CCDC85A: variants seen among roughly 807,000 people sequenced by gnomAD.
CCDC85A encodes the protein coiled-coil domain containing 85A, also known as coiled-coil domain-containing protein 85A.
Under a neutral mutation model 50.2 loss-of-function variants are expected in CCDC85A, and 38 were observed. That is an observed-to-expected ratio of 0.76 (90% CI 0.58 to 0.99). CCDC85A has a LOEUF of 0.99. Among genes scored for constraint, CCDC85A ranks in the 50% least tolerant of loss-of-function variants. The pLI, the probability that CCDC85A is intolerant of heterozygous loss-of-function variation, is 0.00. For synonymous variants in CCDC85A, 366 were observed against 301.4 expected (o/e 1.21, Z -2.22); for missense variants, 820 against 742.0 (o/e 1.11, Z -1.22).
chr2:56,379,777 C>T lies in CCDC85A; in HGVS notation c.1572+3842C>T, dbSNP rs908606126. On this transcript the variant is annotated intron_variant, in intron 5 of 5. Transcript: ENST00000407595. ...CTTGGATGTTCAGGAAACTATAGAT[C>T]GTCAACAGGGTAAAGAGTATGAACA... 1.6e-5 allele frequency: 16 copies of T among 984,286 alleles called. No individual in the cohort carries two copies. In the Admixed American group the frequency reaches 8.0e-4, roughly 49 times the overall value. 61.0% of individuals were successfully genotyped at this position (984,286 alleles called of 1,614,324 possible).
intron 3 of CCDC85A, among the ~76,000 whole-genome samples, chr2:56,343,383 T>C (rs1249958813): frequency 6.6e-6 from 1 of 152,236 alleles, no homozygotes; most frequent in East Asian, 1.9e-4. Context: ...ATAATTAAAT[T>C]AGTACATTCT....
intron 2 of CCDC85A, among the ~76,000 whole-genome samples, chr2:56,313,488 A>G (rs1406823640): frequency 2.0e-5 from 3 of 152,080 alleles, no homozygotes; most frequent in Non-Finnish European, 4.4e-5. Flanking sequence ...TTTTGATTTT[A>G]GGCCAGTCAA....
rs1227576103 is a variant in CCDC85A, at chr2:56,184,689, C to T, written c.65C>T (p.Pro22Leu). The T allele has an allele frequency of 5.9e-6, 9 of 1,522,438 alleles. No homozygotes were observed. The highest frequency in any genetic ancestry group is 4.1e-5 in the Admixed American group (2 of 49,082). 94.3% of individuals were successfully genotyped at this position (1,522,438 alleles called of 1,614,324 possible). Residue 22 changes from proline (P) to leucine (L), a missense_variant, in exon 1 of 6, where the codon CCG becomes CTG. By Grantham distance (98) the Pro-to-Leu change is moderately conservative. Coordinates refer to ENST00000407595, the MANE Select transcript of CCDC85A (RefSeq NM_001080433.2). ...GCGGCGGAAAGTTGTTCCCCAGCCC[C>T]GGCCGGCTCGTCCGCGGCCCCGCCC... ...AAAAESCSPAPAGSSAAPPAP... is the reference protein window; with the variant it reads ...AAAAESCSPALAGSSAAPPAP...
intron 2 of CCDC85A, among the ~76,000 whole-genome samples, chr2:56,297,741 C>T (rs1347888127): frequency 2.0e-5 from 3 of 152,222 alleles, no homozygotes; most frequent in South Asian, 2.1e-4. Flanking sequence ...CAGAGCTTGC[C>T]GTGTGAGGTG....
At chr2:56,337,177 C>A (rs1263873725) in intron 2 of CCDC85A, among the ~76,000 whole-genome samples, 2 of 152,114 alleles carry the variant, frequency 1.3e-5, no homozygotes, top group Admixed American at 6.5e-5. Flanking sequence ...ATGCATGTTT[C>A]TTAATTTGTT....
intron 5 of CCDC85A, chr2:56,379,750 G>T (rs1033973386): frequency 1.0e-6 from 1 of 976,442 alleles, no homozygotes; most frequent in African/African-American, 1.8e-5. Context: ...ACAAATCCAG[G>T]TCTTGGATGT....
chr2:56,244,357 C>CAT (rs538440102), intron 2 of CCDC85A, among the ~76,000 whole-genome samples: 132 of 152,186 alleles, frequency 8.7e-4, no homozygotes, highest in African/African-American at 3.0e-3. Flanking sequence ...ACTGCAGGCC[C>CAT]GTGGGAAGTA....
rs115728274 is a variant in CCDC85A at position 56,291,428 on chromosome 2, G to A, written c.1241-51451G>A. 2.6e-3 allele frequency among the ~76,000 whole-genome samples: 399 copies of A among 152,340 alleles called. 2 individuals are homozygous for A. Among genetic ancestry groups the A allele is most frequent in the African/African-American group, 9.1e-3 (378 of 41,574 alleles). On this transcript the variant is annotated intron_variant, in intron 2 of 5. Coordinates refer to ENST00000407595, the MANE Select transcript of CCDC85A (RefSeq NM_001080433.2). ...TTAGTGAAAAGAGCTGGTGGTAAGT[G>A]CTGTAAAGTAAGTGACAGTGGCTGC...
intron 2 of CCDC85A, among the ~76,000 whole-genome samples, chr2:56,250,031 G>T (rs1223802464): frequency 6.6e-6 from 1 of 152,202 alleles, no homozygotes; most frequent in Non-Finnish European, 1.5e-5. Flanking sequence ...GCCATGAAGG[G>T]CAGGCAGGGG....
chr2:56,242,144 A>C (rs1213204611), intron 2 of CCDC85A, among the ~76,000 whole-genome samples: 1 of 152,102 alleles, frequency 6.6e-6, no homozygotes, highest in Non-Finnish European at 1.5e-5. Flanking sequence ...TGAAATGTCT[A>C]TTCAGATCTT....
intron 2 of CCDC85A, among the ~76,000 whole-genome samples, chr2:56,311,358 C>G (rs916319952): frequency 1.3e-5 from 2 of 152,208 alleles, no homozygotes; most frequent in East Asian, 3.9e-4. Context: ...CATCAATGCT[C>G]AAACATAGGA....
intron 2 of CCDC85A, among the ~76,000 whole-genome samples, chr2:56,275,022 C>T (rs1289350884): frequency 3.3e-5 from 5 of 152,150 alleles, no homozygotes; most frequent in Non-Finnish European, 7.3e-5. Context: ...GCATCATCCT[C>T]ACGACCTCAT....
chr2:56,378,744 C>G (rs762539935), intron 5 of CCDC85A, among the ~76,000 whole-genome samples: 5 of 152,292 alleles, frequency 3.3e-5, no homozygotes, highest in Non-Finnish European at 5.9e-5. Flanking sequence ...CCACTTCATG[C>G]TTAAGTCATT....
At chr2:56,194,842 G>A (rs935310281) in intron 2 of CCDC85A, among the ~76,000 whole-genome samples, 1 of 152,108 alleles carries the variant, frequency 6.6e-6, no homozygotes, top group Non-Finnish European at 1.5e-5. Context: ...CTCTTCCCAA[G>A]AGCCGTGGAG....
At chr2:56,325,063 A>C (rs990037198) in intron 2 of CCDC85A, among the ~76,000 whole-genome samples, 129 of 152,204 alleles carry the variant, frequency 8.5e-4, no homozygotes, top group African/African-American at 3.0e-3. Context: ...TTAAAGAAGC[A>C]CTCTTGAATT....
intron 2 of CCDC85A, among the ~76,000 whole-genome samples, chr2:56,220,737 C>T (rs1046877299): frequency 6.6e-6 from 1 of 151,994 alleles, no homozygotes; most frequent in Non-Finnish European, 1.5e-5. Flanking sequence ...AATGCATTGT[C>T]TAAAAGCTAA....
At chr2:56,246,639 G>C (rs1158692694) in intron 2 of CCDC85A, among the ~76,000 whole-genome samples, 5 of 152,134 alleles carry the variant, frequency 3.3e-5, no homozygotes, top group African/African-American at 1.2e-4. Context: ...TTTCTCCATT[G>C]AATTGCCTTG....
intron 2 of CCDC85A, among the ~76,000 whole-genome samples, chr2:56,244,274 C>A (rs1414579640): frequency 6.6e-6 from 1 of 152,070 alleles, no homozygotes; most frequent in Non-Finnish European, 1.5e-5. Flanking sequence ...GGCCCTGAAA[C>A]CACAAGACAA....
intron 2 of CCDC85A, among the ~76,000 whole-genome samples, chr2:56,276,094 A>T (rs1033920216): frequency 6.6e-6 from 1 of 152,142 alleles, no homozygotes; most frequent in African/African-American, 2.4e-5. Flanking sequence ...ATTTTACATC[A>T]CATGAAATAG....
Sources: gnomAD v4.1 joint callset for allele counts (sites outside exome capture counted in the v4.1 genomes callset) on GRCh38, gnomAD v4.1.1 for gene constraint, MANE v1.5 for transcripts, NCBI Gene and HGNC (gene_info 2026-07-23, HGNC 2026-07-21) for gene names.